ACVR1: variants seen among roughly 807,000 people sequenced by gnomAD.
ACVR1 encodes the protein activin receptor type-1.
A neutral mutation model predicts 57.1 loss-of-function variants in ACVR1; 38 were observed. The ratio of observed to expected loss-of-function variants is 0.67; its 90% CI spans 0.51 to 0.87. The LOEUF (loss-of-function observed/expected upper bound fraction) is 0.87, where lower values mean the gene tolerates loss of function less well. ACVR1 is among the 40% of genes least tolerant of loss of function. The pLI is 0.00. For missense variants in ACVR1, 463 were observed against 638.2 expected (o/e 0.73, Z 2.96); for synonymous variants, 212 against 228.1 (o/e 0.93, Z 0.63).
rs1165340255 is a variant in ACVR1 at position 157,875,883 on chromosome 2, C to CGCGGGGCGGG, written c.-280_-271dup. On this transcript the variant is annotated 5_prime_UTR_variant, in exon 1 of 11. Coordinates refer to ENST00000434821, the MANE Select transcript of ACVR1 (RefSeq NM_001111067.4). ...TGCAGGTCGGCGCGGCGCGGGGCGG[C>CGCGGGGCGGG]GCGGGGCGGGGCGGGGCGGTGCAGC... The CGCGGGGCGGG allele has an allele frequency of 1.4e-5, 2 of 146,254 alleles. No homozygotes were observed. The highest frequency in any genetic ancestry group is 5.0e-5 in the African/African-American group (2 of 40,182). The allele number at this position is 146,254 out of a possible 1,614,324, so 9.1% of individuals were successfully genotyped here. A position where few individuals can be genotyped will look rare whatever the true frequency, so the allele number is the denominator to read the frequency against.
At chr2:157,745,183 G>C (rs1427015340) in intron 9 of ACVR1, among the ~76,000 whole-genome samples, 1 of 152,188 alleles carries the variant, frequency 6.6e-6, no homozygotes, top group Non-Finnish European at 1.5e-5. Context: ...CCTACTAAAA[G>C]CATGTGTCAA....
At chr2:157,760,791 G>T in intron 9 of ACVR1, 89 bp downstream of exon 9, 1 of 1,292,252 alleles carries the variant, frequency 7.7e-7, no homozygotes, top group Non-Finnish European at 1.1e-6. Context: ...AGAACAATGT[G>T]AATTTCAATA....
At chr2:157,782,965 A>T (rs193023406) in intron 3 of ACVR1, among the ~76,000 whole-genome samples, 2 of 152,152 alleles carry the variant, frequency 1.3e-5, no homozygotes, top group Non-Finnish European at 2.9e-5. Flanking sequence ...ATAAAAATAA[A>T]GTAGGAGAGA....
At chr2:157,792,682 T>C (rs1686962493) in intron 3 of ACVR1, among the ~76,000 whole-genome samples, 1 of 152,230 alleles carries the variant, frequency 6.6e-6, no homozygotes, top group Non-Finnish European at 1.5e-5. Flanking sequence ...AGACAAGGTT[T>C]CTTTCTGTCT....
At chr2:157,818,231 T>TA (rs1293933827) in intron 2 of ACVR1, among the ~76,000 whole-genome samples, 154 bp downstream of exon 2, 1 of 152,148 alleles carries the variant, frequency 6.6e-6, no homozygotes, top group Non-Finnish European at 1.5e-5. Context: ...TGGATTCATA[T>TA]AAAAAAACAA....
At chr2:157,852,334 T>TA (rs1396045347) in intron 1 of ACVR1, among the ~76,000 whole-genome samples, 1 of 151,346 alleles carries the variant, frequency 6.6e-6, no homozygotes, top group Non-Finnish European at 1.5e-5. Context: ...CCCATCTCTA[T>TA]AAAAAATACA....
At chr2:157,818,021 G>C (rs997016008) in intron 2 of ACVR1, among the ~76,000 whole-genome samples, 14 of 147,330 alleles carry the variant, frequency 9.5e-5, no homozygotes, top group South Asian at 2.2e-4. Flanking sequence ...AAAAACAAAA[G>C]AAAAGAAAAA....
At chr2:157,814,525 G>T (rs1687864089) in intron 2 of ACVR1, among the ~76,000 whole-genome samples, 1 of 152,136 alleles carries the variant, frequency 6.6e-6, no homozygotes, top group Non-Finnish European at 1.5e-5. Context: ...ACCCATCGTT[G>T]TTAAATCTAA....
At chr2:157,788,593 T>A (rs1157068952) in intron 3 of ACVR1, among the ~76,000 whole-genome samples, 1 of 152,160 alleles carries the variant, frequency 6.6e-6, no homozygotes, top group African/African-American at 2.4e-5. Flanking sequence ...CTATTTTACT[T>A]TGCTATTGTT....
intron 10 of ACVR1, among the ~76,000 whole-genome samples, chr2:157,738,162 G>A (rs1274554674): frequency 1.3e-5 from 2 of 152,164 alleles, no homozygotes; most frequent in African/African-American, 4.8e-5. Context: ...GCTAATAGCA[G>A]TAGTCATGAG....
intron 7 of ACVR1, among the ~76,000 whole-genome samples, chr2:157,767,176 G>A (rs1685895939): frequency 6.6e-6 from 1 of 151,748 alleles, no homozygotes; most frequent in Non-Finnish European, 1.5e-5. Flanking sequence ...GGATTACAGG[G>A]GCCCACCATC....
At chr2:157,866,779 C>T (rs1384239540) in intron 1 of ACVR1, among the ~76,000 whole-genome samples, 1 of 152,148 alleles carries the variant, frequency 6.6e-6, no homozygotes, top group Non-Finnish European at 1.5e-5. Context: ...CTCCTCTATT[C>T]GGATAAACAT....
chr2:157,864,964 A>G (rs1485649313), intron 1 of ACVR1, among the ~76,000 whole-genome samples: 1 of 151,922 alleles, frequency 6.6e-6, no homozygotes, highest in Non-Finnish European at 1.5e-5. Context: ...TTTTTTAAAA[A>G]GGTGATCAGC....
At chr2:157,780,908 T>C (rs1366908180) in intron 3 of ACVR1, among the ~76,000 whole-genome samples, 1 of 152,238 alleles carries the variant, frequency 6.6e-6, no homozygotes, top group Non-Finnish European at 1.5e-5. Context: ...GTGGTGTTCA[T>C]ATAACCTTCA....
intron 1 of ACVR1, among the ~76,000 whole-genome samples, chr2:157,865,076 T>C (rs906594959): frequency 2.1e-5 from 3 of 144,976 alleles, no homozygotes; most frequent in Non-Finnish European, 4.5e-5. Context: ...CCCAGAGTTC[T>C]TTATAGACTC....
chr2:157,816,708 G>T (rs779382756), intron 2 of ACVR1, among the ~76,000 whole-genome samples: 1 of 152,122 alleles, frequency 6.6e-6, no homozygotes, highest in Non-Finnish European at 1.5e-5. Flanking sequence ...CCTCAAAAGC[G>T]TTAAATCTAA....
At chr2:157,812,009 G>A (rs536994583) in intron 2 of ACVR1, among the ~76,000 whole-genome samples, 1 of 152,274 alleles carries the variant, frequency 6.6e-6, no homozygotes, top group East Asian at 1.9e-4. Context: ...AGATAAAGAT[G>A]TTATATAGAA....
Position 157,796,205 on chromosome 2 carries a change from GA to G in ACVR1, c.67+3221del, listed in dbSNP as rs556878120. Among the ~76,000 whole-genome samples, 9 of 142,778 alleles carry G rather than the reference GA, an allele frequency of 6.3e-5. No homozygotes were observed. The East Asian group carries it at 1.9e-3, about 30-fold the overall frequency. 93.7% of individuals were successfully genotyped at this position (142,778 alleles called of 152,430 possible). A position where few individuals can be genotyped will look rare whatever the true frequency, so the allele number is the denominator to read the frequency against. ...CCACTGCACTCCAGCCCTGGTGACAGAGTGAGACTCTGCCTCAAAAAAAAAA... is the reference window on the plus strand; with the variant it reads ...CCACTGCACTCCAGCCCTGGTGACAGGTGAGACTCTGCCTCAAAAAAAAAA... On this transcript the variant is annotated intron_variant, in intron 3 of 10. Transcript: ENST00000434821.
chr2:157,859,570 G>A (rs974261475), intron 1 of ACVR1, among the ~76,000 whole-genome samples: 1 of 152,064 alleles, frequency 6.6e-6, no homozygotes, highest in Non-Finnish European at 1.5e-5. Context: ...CCCCTTTCCA[G>A]TAACATGATC....
Sources: allele counts gnomAD v4.1 joint callset (sites outside exome capture counted in the v4.1 genomes callset), GRCh38; gene constraint gnomAD v4.1.1; transcripts MANE v1.5; gene names NCBI Gene and HGNC (gene_info 2026-07-23, HGNC 2026-07-21).